EXT1: variants seen among roughly 807,000 people sequenced by gnomAD.
EXT1 encodes the protein exostosin-1.
EXT1 carries 20 observed loss-of-function variants against 82.5 expected under a neutral mutation model. The observed-to-expected ratio is 0.24, with a 90% CI of 0.17 to 0.35. The LOEUF is 0.35. EXT1 is among the 10% of genes least tolerant of loss of function. EXT1 has a pLI of 1.00. For synonymous variants in EXT1, 348 were observed against 350.8 expected, an observed-to-expected ratio of 0.99 and a Z score of 0.09; for missense variants, 757 against 936.5, an observed-to-expected ratio of 0.81 and a Z score of 2.50.
At chr8:118,083,770 G>A (rs1817372877) in intron 1 of EXT1, among the ~76,000 whole-genome samples, 1 of 152,138 alleles carries the variant, frequency 6.6e-6, no homozygotes, top group Admixed American at 6.5e-5. Flanking sequence ...GCTCATGCCT[G>A]TAATCCCAGC....
At chr8:117,846,042 C>G (rs1812353988) in intron 1 of EXT1, among the ~76,000 whole-genome samples, 1 of 152,166 alleles carries the variant, frequency 6.6e-6, no homozygotes, top group South Asian at 2.1e-4. Flanking sequence ...TTTAATACAT[C>G]GTGCCCATGA....
chr8:117,826,058 G>A (rs376364452), intron 4 of EXT1, among the ~76,000 whole-genome samples: 15 of 152,194 alleles, frequency 9.9e-5, no homozygotes, highest in African/African-American at 3.6e-4. Context: ...TTTTTTCATT[G>A]TCCTCATTGT....
intron 1 of EXT1, among the ~76,000 whole-genome samples, chr8:118,063,624 G>A (rs1225688158): frequency 6.6e-6 from 1 of 152,164 alleles, no homozygotes; most frequent in Non-Finnish European, 1.5e-5. Flanking sequence ...ATACTGAGGG[G>A]TCTGTTTAAG....
chr8:117,830,149 T>C, intron 4 of EXT1, 81 bp downstream of exon 4: 1 of 1,590,082 alleles, frequency 6.3e-7, no homozygotes, highest in Non-Finnish European at 8.6e-7. Context: ...CAATCACACA[T>C]CCCTAATAGC....
chr8:117,878,572 T>C (rs910252801), intron 1 of EXT1, among the ~76,000 whole-genome samples: 1 of 152,090 alleles, frequency 6.6e-6, no homozygotes, highest in African/African-American at 2.4e-5. Context: ...TGGCATAAGG[T>C]TGGCCAAGTT....
chr8:117,995,400 T>G (rs1292440385), intron 1 of EXT1, among the ~76,000 whole-genome samples: 2 of 152,184 alleles, frequency 1.3e-5, no homozygotes, highest in Non-Finnish European at 2.9e-5. Flanking sequence ...CTGTAATTCA[T>G]CAATGATATC....
chr8:117,843,058 GTAAT>G (rs1366657980), intron 1 of EXT1, among the ~76,000 whole-genome samples: 2 of 152,014 alleles, frequency 1.3e-5, no homozygotes, highest in Non-Finnish European at 2.9e-5. Context: ...ATCCTCATAA[GTAAT>G]TAATCTTTCC....
intron 1 of EXT1, among the ~76,000 whole-genome samples, chr8:118,064,768 T>A (rs1391200788): frequency 6.6e-6 from 1 of 152,162 alleles, no homozygotes; most frequent in Non-Finnish European, 1.5e-5. Context: ...TCTTCCACAA[T>A]GGTTGAACTA....
chr8:117,884,360 T>A (rs2129927319), intron 1 of EXT1, among the ~76,000 whole-genome samples: 1 of 152,184 alleles, frequency 6.6e-6, no homozygotes, highest in South Asian at 2.1e-4. Context: ...AGAGTAGAAA[T>A]CTGTGACAAG....
At chr8:117,953,161 G>A (rs907096996) in intron 1 of EXT1, among the ~76,000 whole-genome samples, 2 of 151,952 alleles carry the variant, frequency 1.3e-5, no homozygotes, top group African/African-American at 4.8e-5. Flanking sequence ...GATCCAGCTG[G>A]CTCCTCAGCT....
intron 1 of EXT1, among the ~76,000 whole-genome samples, chr8:118,097,004 T>C (rs1817631356): frequency 6.6e-6 from 1 of 152,224 alleles, no homozygotes; most frequent in Non-Finnish European, 1.5e-5. Context: ...GGCATGGTGC[T>C]GAGGCTCTGA....
Position 118,111,263 on chromosome 8 carries a change from T to C in EXT1, c.-217A>G, listed in dbSNP as rs1817898307. 3 of 703,242 alleles carry C rather than the reference T, an allele frequency of 4.3e-6. No homozygotes were observed. The highest frequency in any genetic ancestry group is 7.3e-6 in the Non-Finnish European group (3 of 412,612). 43.6% of individuals were successfully genotyped at this position (703,242 alleles called of 1,614,324 possible). ...TCCCCTTCGGTCTTTCATCTTTGGG[T>C]TGCACAATGCACGGGAGAGAGCGGG... On this transcript the variant is annotated 5_prime_UTR_variant, in exon 1 of 11. Transcript: ENST00000378204.
intron 1 of EXT1, among the ~76,000 whole-genome samples, chr8:118,026,127 A>G (rs1816197040): frequency 6.6e-6 from 1 of 152,198 alleles, no homozygotes; most frequent in Admixed American, 6.5e-5. Context: ...CCACCTGTAC[A>G]GCAAGAGACA....
intron 1 of EXT1, among the ~76,000 whole-genome samples, chr8:117,998,651 G>A (rs1033508454): frequency 1.3e-5 from 2 of 152,162 alleles, no homozygotes; most frequent in African/African-American, 2.4e-5. Flanking sequence ...TCTGTTGGCT[G>A]ATCATGAGGA....
intron 1 of EXT1, among the ~76,000 whole-genome samples, chr8:118,100,055 T>A (rs969624784): frequency 4.6e-5 from 7 of 152,136 alleles, no homozygotes; most frequent in African/African-American, 1.7e-4. Context: ...TGGCCTAATA[T>A]GAATGGCTCT....
chr8:117,812,686 C>T (rs1437746220), intron 8 of EXT1, among the ~76,000 whole-genome samples, 186 bp downstream of exon 8: 1 of 152,218 alleles, frequency 6.6e-6, no homozygotes, highest in African/African-American at 2.4e-5. Context: ...GAGATGCCCG[C>T]CTCAGAGTGC....
intron 1 of EXT1, among the ~76,000 whole-genome samples, chr8:118,013,155 T>G (rs891950487): frequency 3.3e-5 from 5 of 151,862 alleles, no homozygotes; most frequent in Non-Finnish European, 7.4e-5. Context: ...CACCTCATCC[T>G]CTCTAGTAGC....
intron 1 of EXT1, among the ~76,000 whole-genome samples, chr8:117,888,901 C>A (rs1193417684): frequency 6.6e-6 from 1 of 152,176 alleles, no homozygotes; most frequent in African/African-American, 2.4e-5. Context: ...CATGCCTGTG[C>A]TCTTTCTGCT....
intron 1 of EXT1, among the ~76,000 whole-genome samples, chr8:118,064,529 T>C (rs896758210): frequency 6.6e-6 from 1 of 152,228 alleles, no homozygotes; most frequent in Non-Finnish European, 1.5e-5. Flanking sequence ...TATAGCTACA[T>C]AGTATTCCAT....
Sources: allele counts gnomAD v4.1 joint callset (sites outside exome capture counted in the v4.1 genomes callset), GRCh38; gene constraint gnomAD v4.1.1; transcripts MANE v1.5; gene names NCBI Gene and HGNC (gene_info 2026-07-23, HGNC 2026-07-21).